Variants in DHRSX observed in about 807,000 individuals in gnomAD.
DHRSX encodes the protein dehydrogenase/reductase X-linked, also known as polyprenol dehydrogenase.
In DHRSX, 31 loss-of-function variants were observed where a neutral mutation model predicts 34.0. The ratio of observed to expected loss-of-function variants is 0.91; its 90% CI spans 0.69 to 1.23. DHRSX has a LOEUF of 1.23. Ranked by LOEUF, DHRSX falls within the 50% of genes most tolerant of loss-of-function variation. The pLI is 0.00. For missense variants in DHRSX, 414 were observed against 428.1 expected (o/e 0.97, Z 0.29); for synonymous variants, 201 against 183.8 (o/e 1.09, Z -0.76).
chrX:2,458,073 T>G (rs7891152), intron 1 of DHRSX, among the ~76,000 whole-genome samples: 2 of 150,956 alleles, frequency 1.3e-5, no homozygotes, highest in African/African-American at 4.9e-5. Context: ...GAATTAGGAC[T>G]AGGGACTGCC....
rs772121650 is a variant in DHRSX, at chrX:2,387,945, C to T, written c.286+20800G>A. Among the ~76,000 whole-genome samples the T allele has an allele frequency of 4.6e-5, 7 of 151,632 alleles. No individual in the cohort carries two copies. In the East Asian group the frequency reaches 1.4e-3, roughly 30 times the overall value. ...AAAAACGGGATTCCCTCAGGTACCC[C>T]CAGAACCTAAATCTTGTTCTGTGCC... On this transcript the variant is annotated intron_variant, in intron 3 of 6. Coordinates refer to ENST00000334651, the MANE Select transcript of DHRSX (RefSeq NM_145177.3).
intron 3 of DHRSX, among the ~76,000 whole-genome samples, chrX:2,316,993 T>C (rs540867704): frequency 9.2e-5 from 14 of 152,306 alleles, no homozygotes; most frequent in South Asian, 8.3e-4. Flanking sequence ...AGTCTCCCTC[T>C]GTCGCCCAGG....
intron 1 of DHRSX, among the ~76,000 whole-genome samples, chrX:2,445,191 C>A (rs1050332263): frequency 3.3e-5 from 5 of 152,054 alleles, no homozygotes; most frequent in African/African-American, 1.2e-4. Flanking sequence ...ACCGGACACG[C>A]TGGGTTGGAC....
intron 1 of DHRSX, among the ~76,000 whole-genome samples, chrX:2,455,483 C>A (rs1192899205): frequency 6.6e-6 from 1 of 151,828 alleles, no homozygotes; most frequent in African/African-American, 2.4e-5. Context: ...AGCAGTGATT[C>A]CTAATCCCAG....
chrX:2,251,109 A>G (rs1365404284), intron 5 of DHRSX, among the ~76,000 whole-genome samples: 1 of 152,146 alleles, frequency 6.6e-6, no homozygotes, highest in Non-Finnish European at 1.5e-5. Flanking sequence ...CCACTGTCTC[A>G]TCACGCAGCC....
chrX:2,409,761 G>A (rs1223895989), intron 2 of DHRSX, among the ~76,000 whole-genome samples: 1 of 150,960 alleles, frequency 6.6e-6, no homozygotes, highest in African/African-American at 2.4e-5. Flanking sequence ...ACAGAATCTT[G>A]CTCTGTTGCC....
At chrX:2,268,563 TCA>T (rs2041506293) in intron 4 of DHRSX, among the ~76,000 whole-genome samples, 1 of 152,270 alleles carries the variant, frequency 6.6e-6, no homozygotes. Context: ...ACATATGTGT[TCA>T]CGTCTTTACA....
At chrX:2,469,194 C>T (rs1270923251) in intron 1 of DHRSX, among the ~76,000 whole-genome samples, 5 of 151,896 alleles carry the variant, frequency 3.3e-5, no homozygotes, top group Non-Finnish European at 5.9e-5. Context: ...AGCCAAGGGA[C>T]GGCACTGAAG....
intron 6 of DHRSX, among the ~76,000 whole-genome samples, chrX:2,235,206 C>T (rs769356512): frequency 6.6e-6 from 1 of 152,304 alleles, no homozygotes; most frequent in East Asian, 1.9e-4. Context: ...CTGCCATGTT[C>T]TCACTTGCAA....
At chrX:2,469,075 G>A (rs1199456664) in intron 1 of DHRSX, among the ~76,000 whole-genome samples, 3 of 146,780 alleles carry the variant, frequency 2.0e-5, no homozygotes, top group Admixed American at 1.4e-4. Flanking sequence ...AAGGCATTCC[G>A]AAGCATGTGG....
chrX:2,362,743 G>A (rs777633620), intron 3 of DHRSX, among the ~76,000 whole-genome samples: 53 of 151,688 alleles, frequency 3.5e-4, no homozygotes, highest in Middle Eastern at 3.4e-3. Context: ...TTTTATCACC[G>A]TTCTATGGTA....
intron 1 of DHRSX, among the ~76,000 whole-genome samples, chrX:2,425,673 T>G (rs1345553371): frequency 6.6e-6 from 1 of 152,078 alleles, no homozygotes; most frequent in Non-Finnish European, 1.5e-5. Context: ...AGCAGGACAT[T>G]TTTGTTCGTT....
intron 3 of DHRSX, among the ~76,000 whole-genome samples, chrX:2,292,370 G>A (rs2041876905): frequency 6.6e-6 from 1 of 152,184 alleles, no homozygotes; most frequent in African/African-American, 2.4e-5. Context: ...CCTCAGGCCA[G>A]ATGACACTTT....
chrX:2,429,295 T>G lies in DHRSX; in HGVS notation c.110-3991A>C, dbSNP rs148813184. On this transcript the variant is annotated intron_variant, in intron 1 of 6. Transcript: ENST00000334651. The stretch of plus-strand genomic sequence containing the variant: ...AGACACACAGTATGCATATATACTG[T>G]GTATGTATACATGTGTGTCTGTGTG... Among the ~76,000 whole-genome samples, 745 of 152,256 alleles carry G rather than the reference T, an allele frequency of 4.9e-3. 5 individuals are homozygous for G. Among genetic ancestry groups the G allele is most frequent in the African/African-American group, 0.017 (692 of 41,548 alleles).
intron 1 of DHRSX, among the ~76,000 whole-genome samples, chrX:2,449,787 G>C (rs1357415015): frequency 1.3e-5 from 2 of 152,124 alleles, no homozygotes; most frequent in Non-Finnish European, 2.9e-5. Context: ...CTGAGTAGCT[G>C]GGAATATAAG....
chrX:2,462,082 C>G (rs1191271604), intron 1 of DHRSX, among the ~76,000 whole-genome samples: 4 of 150,942 alleles, frequency 2.7e-5, no homozygotes, highest in African/African-American at 9.8e-5. Context: ...ATTACAGTGA[C>G]AAAAACTTCA....
At chrX:2,438,008 G>A (rs866707307) in intron 1 of DHRSX, among the ~76,000 whole-genome samples, 20 of 147,218 alleles carry the variant, frequency 1.4e-4, no homozygotes, top group Non-Finnish European at 1.9e-4. Flanking sequence ...TAACCATGGG[G>A]AAAAAAAAAA....
intron 3 of DHRSX, among the ~76,000 whole-genome samples, chrX:2,380,819 C>A (rs1306765850): frequency 1.3e-5 from 2 of 152,116 alleles, no homozygotes; most frequent in Admixed American, 6.6e-5. Flanking sequence ...CTCTCGAAAT[C>A]CCCATTTTTT....
chrX:2,488,790 G>A, intron 1 of DHRSX: 2 of 1,613,924 alleles, frequency 1.2e-6, no homozygotes, highest in Non-Finnish European at 1.7e-6. Flanking sequence ...AGAAACACCT[G>A]CTCGTCCACG....
Sources: gnomAD v4.1 joint callset for allele counts (sites outside exome capture counted in the v4.1 genomes callset) on GRCh38, gnomAD v4.1.1 for gene constraint, MANE v1.5 for transcripts, NCBI Gene and HGNC (gene_info 2026-07-23, HGNC 2026-07-21) for gene names.